ST3GAL2: variants seen among roughly 807,000 people sequenced by gnomAD.
ST3GAL2 encodes the protein CMP-N-acetylneuraminate-beta-galactosamide-alpha-2,3-sialyltransferase 2.
In ST3GAL2, 16 loss-of-function variants were observed where a neutral mutation model predicts 37.5. That is an observed-to-expected ratio of 0.43 (90% confidence interval 0.29 to 0.65). The LOEUF is 0.65. Ranked by LOEUF, ST3GAL2 falls within the 30% of genes least tolerant of loss-of-function variation. The probability of loss-of-function intolerance (pLI) is 0.17; values close to 1 mark genes in which losing one functional copy is unlikely to be tolerated. For missense variants in ST3GAL2, 383 were observed against 487.8 expected (o/e 0.79, Z 2.02); for synonymous variants, 238 against 202.9 (o/e 1.17, Z -1.47).
At chr16:70,410,240 C>CATTTTTTTTTTTTTTTTTTTTTTTTT (rs2047627628) in intron 1 of ST3GAL2, among the ~76,000 whole-genome samples, 2 of 62,664 alleles carry the variant, frequency 3.2e-5, no homozygotes, top group Non-Finnish European at 5.8e-5. Flanking sequence ...CCACCCTCAC[C>CATTTTTTTTTTTTTTTTTTTTTTTTT]TTTTTTTTTT....
At position 70,388,441 on chromosome 16, in the gene ST3GAL2, G is replaced by T. The variant is rs1368633624; in HGVS notation, c.639C>A (p.Ser213Arg). 1 of 1,614,042 alleles carries T rather than the reference G, an allele frequency of 6.2e-7. No individual in the cohort carries two copies. The highest frequency in any genetic ancestry group is 1.3e-5 in the African/African-American group (1 of 74,920). ...ESAKNLPANV[S>R]FVLVPFKVLD... is the part of the protein sequence containing the mutation. ...GGACCTTGAAGGGCACCAGCACGAAGCTGACGTTGGCGGGCAGGTTCTTGG... is the reference window on the plus strand; with the variant it reads ...GGACCTTGAAGGGCACCAGCACGAATCTGACGTTGGCGGGCAGGTTCTTGG... The change falls in exon 4 of 7, where the codon AGC (serine) becomes AGA (arginine). Residue 213 changes from serine (S) to arginine (R), a missense_variant. By Grantham distance (110) the Ser-to-Arg change is moderately radical. Coordinates refer to ENST00000342907, the MANE Select transcript of ST3GAL2 (RefSeq NM_006927.4).
rs530097817 is a variant in ST3GAL2 at position 70,383,174 on chromosome 16, G to C, written c.759+16C>G. The C allele has an allele frequency of 2.0e-4, 321 of 1,612,784 alleles. 3 individuals are homozygous for C. The South Asian group carries it at 3.4e-3, about 17-fold the overall frequency. ...GCACTGTTTCCACTGAGGTGGGGAA[G>C]AAGTGGGGAGCTTACCTTTTCTTTA... On this transcript the variant is annotated intron_variant, in intron 5 of 6. Coordinates refer to ENST00000342907, the MANE Select transcript of ST3GAL2 (RefSeq NM_006927.4).
chr16:70,385,298 AAAAC>A (rs560096291), intron 4 of ST3GAL2, among the ~76,000 whole-genome samples: 35 of 152,178 alleles, frequency 2.3e-4, no homozygotes, highest in South Asian at 1.7e-3. Context: ...TCTGTCTCCA[AAAAC>A]AAACAAACAA....
chr16:70,421,612 A>G (rs1334627802), intron 1 of ST3GAL2, among the ~76,000 whole-genome samples: 1 of 152,200 alleles, frequency 6.6e-6, no homozygotes, highest in Non-Finnish European at 1.5e-5. Context: ...GGGGTTACAC[A>G]GGCATCGCCC....
rs2047392884 is a variant in ST3GAL2 at position 70,380,603 on chromosome 16, T to C, written c.*1086A>G. ...AGGCAGGCGGCTTGCGGCGCGCAAG[T>C]CTCCTCTTCCCCGGCCGGCTCCCGG... On this transcript the variant is annotated 3_prime_UTR_variant, in exon 7 of 7. Coordinates refer to ENST00000342907, the MANE Select transcript of ST3GAL2 (RefSeq NM_006927.4). 2 of 152,226 alleles carry C rather than the reference T, an allele frequency of 1.3e-5. No individual in the cohort carries two copies. Among genetic ancestry groups the C allele is most frequent in the South Asian group, 4.1e-4 (2 of 4,824 alleles). The allele number at this position is 152,226 out of a possible 1,614,324, so 9.4% of individuals were successfully genotyped here.
chr16:70,434,536 G>C (rs2047812742), intron 1 of ST3GAL2, among the ~76,000 whole-genome samples: 1 of 152,202 alleles, frequency 6.6e-6, no homozygotes, highest in Non-Finnish European at 1.5e-5. Context: ...AAGAGCAGGG[G>C]CTGTGCATCA....
At position 70,398,690 on chromosome 16, in the gene ST3GAL2, C is replaced by T. The variant is rs2047534894; in HGVS notation, c.-160G>A. 1.4e-6 allele frequency: 1 copy of T among 696,320 alleles called. No individual in the cohort carries two copies. The highest frequency in any genetic ancestry group is 1.8e-5 in the African/African-American group (1 of 55,886). 43.1% of individuals were successfully genotyped at this position (696,320 alleles called of 1,614,324 possible). ...GGCAGGGGTCCCTTGCCACGCCCTC[C>T]CTCATGTAGGGAGAACACACGTTGG... On this transcript the variant is annotated 5_prime_UTR_variant, in exon 2 of 7. Transcript: ENST00000342907.
At chr16:70,394,175 T>A (rs142715412) in intron 3 of ST3GAL2, among the ~76,000 whole-genome samples, 3 of 152,256 alleles carry the variant, frequency 2.0e-5, no homozygotes, top group Non-Finnish European at 4.4e-5. Context: ...TCTCCCTTCC[T>A]CACGGCTGGG....
chr16:70,408,473 G>A (rs2047609158), intron 1 of ST3GAL2, among the ~76,000 whole-genome samples: 1 of 152,056 alleles, frequency 6.6e-6, no homozygotes, highest in African/African-American at 2.4e-5. Flanking sequence ...CAAAAGCAGC[G>A]AGGCCTGTCC....
chr16:70,376,043 A>G lies in ST3GAL2; in HGVS notation c.*5646T>C, dbSNP rs2151651507. On this transcript the variant is annotated 3_prime_UTR_variant, in exon 7 of 7. Coordinates refer to ENST00000342907, the MANE Select transcript of ST3GAL2 (RefSeq NM_006927.4). ...CTGAGATGTCAAACTCTTCCCTTTC[A>G]TGGTCTCCAGTGCGGTGCCCGTGGT... The G allele has an allele frequency of 6.6e-6, 1 of 152,240 alleles. No homozygotes were observed. The highest frequency in any genetic ancestry group is 6.5e-5 in the Admixed American group (1 of 15,286). The allele number at this position is 152,240 out of a possible 1,614,324, so 9.4% of individuals were successfully genotyped here.
rs371082211 is a variant in ST3GAL2, at chr16:70,411,067, G to C, written c.-1003-11534C>G. On this transcript the variant is annotated intron_variant, in intron 1 of 6. Coordinates refer to ENST00000342907, the MANE Select transcript of ST3GAL2 (RefSeq NM_006927.4). Reference sequence around the variant, plus strand: ...ATGAGACCCAAGGGAGTATGTGTTAGGGCCATCTTGGAAAGATTTTCCTTT... The same window carrying C: ...ATGAGACCCAAGGGAGTATGTGTTACGGCCATCTTGGAAAGATTTTCCTTT... Among the ~76,000 whole-genome samples, 81 of 152,198 alleles carry C rather than the reference G, an allele frequency of 5.3e-4. 1 individual carries two copies. In the East Asian group the frequency reaches 0.01, roughly 19 times the overall value.
Position 70,416,260 on chromosome 16 carries a change from T to G in ST3GAL2, c.-1003-16727A>C, listed in dbSNP as rs1266947192. ...TTATTCATGCAGCGAGGTCAAGATC[T>G]TAACATAAATAGCATTCAGAGATGC... On this transcript the variant is annotated intron_variant, in intron 1 of 6. Transcript: ENST00000342907. 2.0e-5 allele frequency among the ~76,000 whole-genome samples: 3 copies of G among 152,182 alleles called. No individual in the cohort carries two copies. The East Asian group carries it at 5.8e-4, about 29-fold the overall frequency.
intron 1 of ST3GAL2, among the ~76,000 whole-genome samples, chr16:70,412,369 T>G (rs1342387664): frequency 6.6e-6 from 1 of 152,126 alleles, no homozygotes; most frequent in East Asian, 1.9e-4. Context: ...TCTGGTCAGG[T>G]ATGGCAGCTC....
At chr16:70,413,241 ACT>A (rs1315021422) in intron 1 of ST3GAL2, among the ~76,000 whole-genome samples, 9 of 142,698 alleles carry the variant, frequency 6.3e-5, no homozygotes, top group Admixed American at 5.5e-4. Flanking sequence ...CAAGAGTGAA[ACT>A]CTGTCTCAAA....
In ST3GAL2 at chr16:70,376,402, C is replaced by T. The variant is rs1207795584; in HGVS notation, c.*5287G>A. ...AGGCTGCCAGAGAGTCTGTGCTGTT[C>T]TCAGCAGCACAAACAGTTGCTAGAG... is the stretch of plus-strand genomic sequence containing the variant. On this transcript the variant is annotated 3_prime_UTR_variant, in exon 7 of 7. Coordinates refer to ENST00000342907, the MANE Select transcript of ST3GAL2 (RefSeq NM_006927.4). 1.3e-5 allele frequency: 2 copies of T among 152,224 alleles called. No individual in the cohort carries two copies. Among genetic ancestry groups the T allele is most frequent in the Admixed American group, 1.3e-4 (2 of 15,276 alleles). The allele number at this position is 152,224 out of a possible 1,614,324, so 9.4% of individuals were successfully genotyped here.
chr16:70,397,645 G>A (rs2047526052), intron 2 of ST3GAL2, among the ~76,000 whole-genome samples: 1 of 152,050 alleles, frequency 6.6e-6, no homozygotes, highest in South Asian at 2.1e-4. Context: ...AGAATCACTT[G>A]AACCTGGGAG....
chr16:70,434,075 C>T (rs1400537660), intron 1 of ST3GAL2, among the ~76,000 whole-genome samples: 1 of 152,098 alleles, frequency 6.6e-6, no homozygotes, highest in African/African-American at 2.4e-5. Context: ...CGTCTTATCC[C>T]CCTCCCAGGA....
In ST3GAL2 at chr16:70,379,871, T is replaced by C. The variant is rs1432565307; in HGVS notation, c.*1818A>G. ...GGTCTCGAACTCCTGACCTTAAGTATTAAGTAATCCGCCCGCCTTGGCCTC... is the reference window on the plus strand; with the variant it reads ...GGTCTCGAACTCCTGACCTTAAGTACTAAGTAATCCGCCCGCCTTGGCCTC... On this transcript the variant is annotated 3_prime_UTR_variant, in exon 7 of 7. Transcript: ENST00000342907. The C allele has an allele frequency of 2.0e-5, 3 of 151,666 alleles. No individual in the cohort carries two copies. The highest frequency in any genetic ancestry group is 2.9e-5 in the Non-Finnish European group (2 of 67,868). 9.4% of individuals were successfully genotyped at this position (151,666 alleles called of 1,614,324 possible).
At chr16:70,405,927 G>A (rs946734620) in intron 1 of ST3GAL2, among the ~76,000 whole-genome samples, 1 of 151,942 alleles carries the variant, frequency 6.6e-6, no homozygotes, top group Non-Finnish European at 1.5e-5. Flanking sequence ...CAGGCATGGT[G>A]GCGGGCGCCT....
Sources: allele counts gnomAD v4.1 joint callset (sites outside exome capture counted in the v4.1 genomes callset), GRCh38; gene constraint gnomAD v4.1.1; transcripts MANE v1.5; gene names NCBI Gene and HGNC (gene_info 2026-07-23, HGNC 2026-07-21).